Variants in UQCC1 observed in about 807,000 individuals in gnomAD.
UQCC1 encodes bFGF-repressed Zic-binding protein.
A neutral mutation model predicts 48.0 loss-of-function variants in UQCC1; 38 were observed. The ratio of observed to expected loss-of-function variants is 0.79; its 90% CI spans 0.61 to 1.04. The LOEUF (loss-of-function observed/expected upper bound fraction) is 1.04. Ranked by LOEUF, UQCC1 falls within the 50% of genes least tolerant of loss-of-function variation. The pLI is 0.00. For synonymous variants in UQCC1, 111 were observed against 129.2 expected, an observed-to-expected ratio of 0.86 and a Z score of 0.95; for missense variants, 368 against 381.8, an observed-to-expected ratio of 0.96 and a Z score of 0.30.
rs1377218798 is a variant in UQCC1, at chr20:35,382,081, T to C, written c.226-56A>G. 24 of 1,129,844 alleles carry C rather than the reference T, an allele frequency of 2.1e-5. No homozygotes were observed. The Admixed American group carries it at 4.9e-4, about 23-fold the overall frequency. The allele number at this position is 1,129,844 out of a possible 1,614,324, so 70.0% of individuals were successfully genotyped here. A position where few individuals can be genotyped will look rare whatever the true frequency, so the allele number is the denominator to read the frequency against. On this transcript the variant is annotated intron_variant, in intron 3 of 9. Transcript: ENST00000374385. ...TAGTTGCAAAAAATTTTTAATAGAA[T>C]GCTTTGTTCCTCATCAGGTCTGAGA...
chr20:35,408,590 C>T (rs190169727), intron 1 of UQCC1, among the ~76,000 whole-genome samples: 14 of 152,052 alleles, frequency 9.2e-5, no homozygotes, highest in African/African-American at 2.4e-4. Context: ...TAGTGGCTCA[C>T]GCCTGTAGTC....
intron 7 of UQCC1, among the ~76,000 whole-genome samples, chr20:35,324,414 C>A (rs1371617466): frequency 6.6e-6 from 1 of 152,190 alleles, no homozygotes; most frequent in Non-Finnish European, 1.5e-5. Flanking sequence ...GCAAGCTCTG[C>A]CTCCCAGGTT....
intron 6 of UQCC1, among the ~76,000 whole-genome samples, chr20:35,352,524 TATAGTCATGTACCAC>T: frequency 6.6e-6 from 1 of 152,286 alleles, no homozygotes; most frequent in South Asian, 2.1e-4. Flanking sequence ...ATTTGGTGAA[TATAGTCATGTACCAC>T]ATAACAATTT....
chr20:35,392,585 G>C lies in UQCC1; in HGVS notation c.129+1507C>G, dbSNP rs77676722. On this transcript the variant is annotated intron_variant, in intron 2 of 9. Coordinates refer to ENST00000374385, the MANE Select transcript of UQCC1 (RefSeq NM_018244.5). ...TTAAAAATTTGTACAAAAAGTAACAGAACACAGCCCAAGCTCTGAAAAGAA... is the reference window on the plus strand; with the variant it reads ...TTAAAAATTTGTACAAAAAGTAACACAACACAGCCCAAGCTCTGAAAAGAA... Among the ~76,000 whole-genome samples the C allele has an allele frequency of 8.0e-3, 1,224 of 152,208 alleles. 13 individuals are homozygous for C. Among genetic ancestry groups the C allele is most frequent in the African/African-American group, 0.027 (1,107 of 41,524 alleles).
At chr20:35,339,856 ATTTT>A (rs960985713) in intron 7 of UQCC1, among the ~76,000 whole-genome samples, 1 of 151,020 alleles carries the variant, frequency 6.6e-6, no homozygotes, top group Admixed American at 6.6e-5. Flanking sequence ...TAGATGCACA[ATTTT>A]TTTTTGCAAC....
intron 7 of UQCC1, among the ~76,000 whole-genome samples, chr20:35,324,476 A>ACCTG (rs2061168134): frequency 6.6e-6 from 1 of 152,086 alleles, no homozygotes; most frequent in South Asian, 2.1e-4. Flanking sequence ...ACAGGTGCCC[A>ACCTG]CCACCACGCC....
chr20:35,387,024 C>T (rs2061952108), intron 2 of UQCC1, among the ~76,000 whole-genome samples: 1 of 152,014 alleles, frequency 6.6e-6, no homozygotes, highest in South Asian at 2.1e-4. Context: ...CGCCTGTAAT[C>T]CCAACACTTT....
At chr20:35,365,021 C>T (rs775413812) in intron 6 of UQCC1, among the ~76,000 whole-genome samples, 5 of 152,104 alleles carry the variant, frequency 3.3e-5, no homozygotes, top group Non-Finnish European at 5.9e-5. Flanking sequence ...CACTTTTTCC[C>T]TTCAATATAT....
chr20:35,386,228 G>GA (rs2061941145), intron 2 of UQCC1: 1 of 384,936 alleles, frequency 2.6e-6, no homozygotes, highest in Non-Finnish European at 5.0e-6. Flanking sequence ...AATAATTCTG[G>GA]CAAAAAAAAA....
chr20:35,321,283 T>TGTGTGTGTGTGTGTGTGTGTGTGCGC (rs1389196330), intron 7 of UQCC1, among the ~76,000 whole-genome samples: 1 of 141,536 alleles, frequency 7.1e-6, no homozygotes, highest in African/African-American at 2.9e-5. Flanking sequence ...TGTGTGTGTG[T>TGTGTGTGTGTGTGTGTGTGTGTGCGC]GCGCGCGCGC....
intron 6 of UQCC1, among the ~76,000 whole-genome samples, chr20:35,349,925 C>T (rs1203507259): frequency 6.6e-6 from 1 of 152,022 alleles, no homozygotes. Flanking sequence ...CCCAAAAGGT[C>T]AAGGCTGCAG....
chr20:35,336,677 A>T (rs991946960), intron 7 of UQCC1, among the ~76,000 whole-genome samples: 1 of 152,114 alleles, frequency 6.6e-6, no homozygotes, highest in Non-Finnish European at 1.5e-5. Context: ...TAAGAGAATA[A>T]ATTTTTGTTG....
intron 6 of UQCC1, among the ~76,000 whole-genome samples, chr20:35,352,847 T>C (rs1204918799): frequency 3.9e-5 from 6 of 152,150 alleles, no homozygotes; most frequent in Admixed American, 3.9e-4. Flanking sequence ...TGAGCCCGGC[T>C]AATTTTTTAA....
intron 4 of UQCC1, among the ~76,000 whole-genome samples, chr20:35,377,197 A>C (rs1359555638): frequency 6.6e-6 from 1 of 152,226 alleles, no homozygotes; most frequent in Non-Finnish European, 1.5e-5. Flanking sequence ...AATTAAATCC[A>C]TCAATATTTT....
At chr20:35,338,160 T>C (rs1273107256) in intron 7 of UQCC1, among the ~76,000 whole-genome samples, 2 of 152,148 alleles carry the variant, frequency 1.3e-5, no homozygotes, top group African/African-American at 2.4e-5. Context: ...ATTGTCAGCA[T>C]TCTCATGTCT....
intron 7 of UQCC1, among the ~76,000 whole-genome samples, chr20:35,336,309 C>T (rs981819): frequency 0.48 from 73,126 of 152,022 alleles, 19,334 homozygotes; most frequent in African/African-American, 0.71. Context: ...ATCCATGTCC[C>T]AGTTCCTGGA....
intron 4 of UQCC1, among the ~76,000 whole-genome samples, chr20:35,374,630 TG>T (rs2061775489): frequency 1.3e-5 from 2 of 152,144 alleles, no homozygotes. Context: ...CACATTCTTC[TG>T]GCCAAAATCA....
chr20:35,370,918 G>A (rs1239892087), intron 5 of UQCC1, among the ~76,000 whole-genome samples: 4 of 152,182 alleles, frequency 2.6e-5, no homozygotes, highest in Non-Finnish European at 5.9e-5. Flanking sequence ...GCTTGGCTAG[G>A]CAACCCTGGG....
At chr20:35,319,902 G>A (rs1424147052) in intron 7 of UQCC1, among the ~76,000 whole-genome samples, 2 of 152,198 alleles carry the variant, frequency 1.3e-5, no homozygotes, top group Non-Finnish European at 1.5e-5. Context: ...AGAGGAACCA[G>A]ACTATGTGGA....
Sources: gnomAD v4.1 joint callset for allele counts (sites outside exome capture counted in the v4.1 genomes callset) on GRCh38, gnomAD v4.1.1 for gene constraint, MANE v1.5 for transcripts, NCBI Gene and HGNC (gene_info 2026-07-23, HGNC 2026-07-21) for gene names.